The following EPHA6 variants were observed in gnomAD, a reference collection of about 807,000 sequenced individuals.
EPHA6 encodes the protein ephrin type-A receptor 6.
Under a neutral mutation model 112.0 loss-of-function variants are expected in EPHA6, and 50 were observed. That is an observed-to-expected ratio of 0.45 (90% CI 0.36 to 0.56). The LOEUF (loss-of-function observed/expected upper bound fraction) is 0.56. Ranked by LOEUF, EPHA6 falls within the 20% of genes least tolerant of loss-of-function variation. The pLI, the probability that EPHA6 is intolerant of heterozygous loss-of-function variation, is 0.00. For synonymous variants in EPHA6, 529 were observed against 490.7 expected (o/e 1.08, Z -1.03); for missense variants, 1,280 against 1,417.4 (o/e 0.90, Z 1.56).
intron 13 of EPHA6, among the ~76,000 whole-genome samples, chr3:97,633,195 A>G (rs573545184): frequency 6.6e-6 from 1 of 152,134 alleles, no homozygotes; most frequent in South Asian, 2.1e-4. Flanking sequence ...GCATTATTAT[A>G]TATAGCTTTC....
chr3:96,895,661 G>T lies in EPHA6; in HGVS notation c.450+28772G>T, dbSNP rs530347417. ...CTTTTTATCTTTTATACTGTTTTTT[G>T]TTGTTGTTGTTGTACCATTTCTATG... On this transcript the variant is annotated intron_variant, in intron 2 of 17. Transcript: ENST00000389672. Among the ~76,000 whole-genome samples the T allele has an allele frequency of 1.1e-4, 17 of 152,070 alleles. No individual in the cohort carries two copies. The South Asian group carries it at 1.9e-3, about 17-fold the overall frequency.
intron 3 of EPHA6, among the ~76,000 whole-genome samples, chr3:97,027,995 C>T (rs191140427): frequency 3.3e-5 from 5 of 152,168 alleles, no homozygotes; most frequent in Middle Eastern, 3.4e-3. Context: ...TGTCAATAGC[C>T]GAATTTTCTT....
intron 11 of EPHA6, among the ~76,000 whole-genome samples, chr3:97,567,217 T>G (rs9816218): frequency 1.3e-5 from 2 of 151,946 alleles, no homozygotes; most frequent in South Asian, 4.1e-4. Flanking sequence ...TCTGAGTCTA[T>G]TTTCCTCATA....
chr3:97,230,960 G>T (rs1389064890), intron 4 of EPHA6, among the ~76,000 whole-genome samples: 1 of 152,108 alleles, frequency 6.6e-6, no homozygotes, highest in Non-Finnish European at 1.5e-5. Flanking sequence ...GATTTCCTTT[G>T]TAGATACAAA....
intron 1 of EPHA6, among the ~76,000 whole-genome samples, chr3:96,827,655 A>C (rs755413564): frequency 6.6e-6 from 1 of 152,172 alleles, no homozygotes; most frequent in Non-Finnish European, 1.5e-5. Flanking sequence ...AGGAAAAGGC[A>C]GGCCAATAAT....
chr3:96,937,713 T>A (rs1201571289), intron 2 of EPHA6, among the ~76,000 whole-genome samples: 1 of 152,088 alleles, frequency 6.6e-6, no homozygotes, highest in African/African-American at 2.4e-5. Context: ...ATTGCCTAGG[T>A]TTTCTTCTAG....
At chr3:97,275,328 G>T (rs1040516658) in intron 5 of EPHA6, among the ~76,000 whole-genome samples, 10 of 152,180 alleles carry the variant, frequency 6.6e-5, no homozygotes, top group Non-Finnish European at 1.2e-4. Flanking sequence ...TGAAGTAATG[G>T]GGGCTATCTG....
intron 3 of EPHA6, among the ~76,000 whole-genome samples, chr3:97,129,532 AC>A (rs199675158): frequency 5.9e-5 from 9 of 151,798 alleles, no homozygotes; most frequent in African/African-American, 1.9e-4. Flanking sequence ...AAAAAAAACA[AC>A]AAAAAAAAGT....
chr3:97,747,513 G>T lies in EPHA6; in HGVS notation c.3219G>T (p.Lys1073Asn). 6.2e-7 allele frequency: 1 copy of T among 1,610,828 alleles called. No individual in the cohort carries two copies. Among genetic ancestry groups the T allele is most frequent in the Non-Finnish European group, 8.5e-7 (1 of 1,178,242 alleles). The change falls in exon 17 of 18, where the codon AAG becomes AAT. Residue 1073 changes from lysine (K) to asparagine (N), a missense_variant. By Grantham distance (94) the Lys-to-Asn change is moderately conservative (BLOSUM62 0). Around this residue, in one of 4 missense-constraint regions of EPHA6, gnomAD observed 145 missense variants for 153.3 expected, o/e 0.95. Transcript: ENST00000389672. ...WLDSIKMGQY[K>N]NNFVAAGFTT... ...ATTCTATAAAGATGGGGCAATACAA[G>T]AATAACTTCGTGGCAGCAGGGTTTA...
At chr3:97,421,195 A>AAAAAT (rs556586822) in intron 6 of EPHA6, among the ~76,000 whole-genome samples, 5 of 152,072 alleles carry the variant, frequency 3.3e-5, no homozygotes, top group Admixed American at 2.0e-4. Context: ...CCAATGGGAT[A>AAAAAT]AAAATAAAAT....
intron 5 of EPHA6, among the ~76,000 whole-genome samples, chr3:97,332,061 G>C (rs1340458550): frequency 1.3e-5 from 2 of 152,150 alleles, no homozygotes; most frequent in African/African-American, 4.8e-5. Context: ...TATCCACCAT[G>C]ATCAAGTGGG....
intron 3 of EPHA6, among the ~76,000 whole-genome samples, chr3:96,988,916 G>A (rs1665710442): frequency 6.6e-6 from 1 of 151,930 alleles, no homozygotes; most frequent in African/African-American, 2.4e-5. Context: ...TACCTAATAA[G>A]TATATACATT....
At chr3:97,292,375 G>A (rs1482892645) in intron 5 of EPHA6, among the ~76,000 whole-genome samples, 1 of 152,236 alleles carries the variant, frequency 6.6e-6, no homozygotes, top group African/African-American at 2.4e-5. Context: ...TTTCCGTCCT[G>A]CCATTTTGCG....
At chr3:97,640,755 G>C (rs978379426) in intron 14 of EPHA6, among the ~76,000 whole-genome samples, 1 of 151,982 alleles carries the variant, frequency 6.6e-6, no homozygotes, top group Non-Finnish European at 1.5e-5. Flanking sequence ...ACTCCAGCCT[G>C]GTCAACAAGA....
At chr3:97,396,589 T>G (rs1236803845) in intron 5 of EPHA6, among the ~76,000 whole-genome samples, 5 of 151,788 alleles carry the variant, frequency 3.3e-5, no homozygotes, top group Non-Finnish European at 3.0e-5. Flanking sequence ...TTGGAATTCA[T>G]TTTAGGAGAA....
At chr3:97,415,218 C>T (rs900263075) in intron 6 of EPHA6, among the ~76,000 whole-genome samples, 4 of 151,942 alleles carry the variant, frequency 2.6e-5, no homozygotes, top group Admixed American at 6.6e-5. Context: ...TAATCTAAAG[C>T]GAGCTTGATT....
intron 2 of EPHA6, among the ~76,000 whole-genome samples, chr3:96,947,729 C>G (rs868654306): frequency 1.2e-4 from 18 of 152,266 alleles, no homozygotes; most frequent in Middle Eastern, 6.8e-3. Context: ...CTACAAACCA[C>G]TGCTCAATGA....
chr3:97,408,292 A>C (rs1361644987), intron 6 of EPHA6, among the ~76,000 whole-genome samples: 2 of 151,994 alleles, frequency 1.3e-5, no homozygotes, highest in Non-Finnish European at 2.9e-5. Context: ...CATGCCTGTA[A>C]TCCTAGCACT....
At chr3:96,896,350 T>C (rs556030434) in intron 2 of EPHA6, among the ~76,000 whole-genome samples, 1 of 152,334 alleles carries the variant, frequency 6.6e-6, no homozygotes, top group South Asian at 2.1e-4. Flanking sequence ...TTCTTCAGCC[T>C]GTTTGATTCC....
Sources: gnomAD v4.1 joint callset for allele counts (sites outside exome capture counted in the v4.1 genomes callset) on GRCh38, gnomAD v4.1.1 for gene constraint, gnomAD v4.1.1 regional missense constraint, MANE v1.5 for transcripts, NCBI Gene and HGNC (gene_info 2026-07-23, HGNC 2026-07-21) for gene names.